The following PIAS1 variants were observed in gnomAD, a reference collection of about 807,000 sequenced individuals.
The protein encoded by PIAS1 is protein inhibitor of activated STAT 1, also known as E3 SUMO-protein ligase PIAS1.
Under a neutral mutation model 71.3 loss-of-function variants are expected in PIAS1, and 6 were observed. The ratio of observed to expected loss-of-function variants is 0.08; its 90% CI spans 0.05 to 0.17. PIAS1 has a LOEUF of 0.17. PIAS1 is among the 10% of genes least tolerant of loss of function. The probability of loss-of-function intolerance (pLI) is 1.00; values close to 1 mark genes in which losing one functional copy is unlikely to be tolerated. For synonymous variants in PIAS1, 303 were observed against 292.9 expected, an observed-to-expected ratio of 1.03 and a Z score of -0.35; for missense variants, 555 against 793.6, an observed-to-expected ratio of 0.70 and a Z score of 3.61.
chr15:68,071,269 C>CTTT (rs201177318), intron 1 of PIAS1, among the ~76,000 whole-genome samples: 27 of 102,768 alleles, frequency 2.6e-4, no homozygotes, highest in African/African-American at 9.4e-4. Context: ...TTGCTTCATT[C>CTTT]TTTTTTTTTT....
intron 2 of PIAS1, among the ~76,000 whole-genome samples, chr15:68,139,516 A>G (rs1177250022): frequency 2.0e-5 from 3 of 152,204 alleles, no homozygotes; most frequent in Non-Finnish European, 4.4e-5. Context: ...GGACATTCCC[A>G]GTACAAAGAA....
intron 2 of PIAS1, among the ~76,000 whole-genome samples, chr15:68,132,485 AG>A (rs1188591071): frequency 1.3e-5 from 2 of 152,014 alleles, no homozygotes; most frequent in Admixed American, 1.3e-4. Flanking sequence ...TAAAAAAAAA[AG>A]GAAACTACAA....
At chr15:68,177,583 T>G (rs1316457107) in intron 11 of PIAS1, among the ~76,000 whole-genome samples, 1 of 152,216 alleles carries the variant, frequency 6.6e-6, no homozygotes, top group Non-Finnish European at 1.5e-5. Flanking sequence ...TAGGTTATAC[T>G]TCAGTTCATG....
chr15:68,181,067 A>T, intron 11 of PIAS1, 145 bp from the exon 12 acceptor site: 1 of 635,684 alleles, frequency 1.6e-6, no homozygotes, highest in Non-Finnish European at 2.8e-6. Flanking sequence ...ATTGTGTATA[A>T]TCTAAATTAT....
intron 2 of PIAS1, among the ~76,000 whole-genome samples, chr15:68,090,927 G>GGTGT (rs10667510): frequency 0.16 from 22,213 of 142,658 alleles, 1,876 homozygotes; most frequent in Middle Eastern, 0.18. Flanking sequence ...GTCATTTACG[G>GGTGT]GTGTGTGTGT....
At chr15:68,155,797 A>G (rs1467090198) in intron 7 of PIAS1, among the ~76,000 whole-genome samples, 1 of 151,800 alleles carries the variant, frequency 6.6e-6, no homozygotes, top group East Asian at 1.9e-4. Flanking sequence ...TCTTTTACCA[A>G]CTCTTAATCA....
intron 2 of PIAS1, among the ~76,000 whole-genome samples, chr15:68,139,244 C>G (rs1053045090): frequency 5.3e-5 from 8 of 152,168 alleles, no homozygotes; most frequent in African/African-American, 1.9e-4. Flanking sequence ...TATTCTACTA[C>G]TCTCTGTTGG....
At chr15:68,114,576 A>C (rs2092549833) in intron 2 of PIAS1, among the ~76,000 whole-genome samples, 1 of 152,126 alleles carries the variant, frequency 6.6e-6, no homozygotes, top group Admixed American at 6.6e-5. Context: ...CTAAGACAGC[A>C]AGAAATATTC....
chr15:68,139,550 G>T (rs1257753439), intron 2 of PIAS1, among the ~76,000 whole-genome samples: 1 of 152,166 alleles, frequency 6.6e-6, no homozygotes, highest in Non-Finnish European at 1.5e-5. Flanking sequence ...GGGATGATGT[G>T]TGTGCTAATT....
chr15:68,142,597 A>G (rs1288118685), intron 4 of PIAS1, among the ~76,000 whole-genome samples: 1 of 151,926 alleles, frequency 6.6e-6, no homozygotes, highest in African/African-American at 2.4e-5. Context: ...AGATATTCTA[A>G]TTTTCATCCA....
chr15:68,114,061 CTTAT>C (rs774417731), intron 2 of PIAS1, among the ~76,000 whole-genome samples: 15 of 64,398 alleles, frequency 2.3e-4, no homozygotes, highest in Non-Finnish European at 5.5e-4. Flanking sequence ...CACACACACA[CTTAT>C]ATACATGTAT....
At chr15:68,120,909 T>A (rs2092608031) in intron 2 of PIAS1, among the ~76,000 whole-genome samples, 1 of 152,212 alleles carries the variant, frequency 6.6e-6, no homozygotes, top group Non-Finnish European at 1.5e-5. Context: ...GTGCTGGGAT[T>A]ACAGGCATGA....
intron 8 of PIAS1, among the ~76,000 whole-genome samples, chr15:68,165,466 A>G (rs1189629171): frequency 6.6e-6 from 1 of 152,224 alleles, no homozygotes; most frequent in Non-Finnish European, 1.5e-5. Flanking sequence ...AAATCTAGCC[A>G]TGATTACCCA....
chr15:68,152,642 C>T (rs1252586022), intron 6 of PIAS1, among the ~76,000 whole-genome samples: 1 of 152,224 alleles, frequency 6.6e-6, no homozygotes, highest in Admixed American at 6.5e-5. Context: ...AAGTAGGCAG[C>T]GTATGTTAAG....
In PIAS1 at chr15:68,086,512, C is replaced by T. The variant is rs781234630; in HGVS notation, c.231C>T (p.Ile77=). 9.3e-6 allele frequency: 15 copies of T among 1,613,640 alleles called. No individual in the cohort carries two copies. Among genetic ancestry groups the T allele is most frequent in the African/African-American group, 2.7e-5 (2 of 74,888 alleles). ...QKIMTPADLS[I]PNVHSSPMPA... ...TCATGACGCCTGCAGACTTGTCCAT[C>T]CCCAACGTACATTCAAGTCCTATGC... Residue 77 remains isoleucine, a synonymous_variant, in exon 2 of 14, where the codon ATC becomes ATT. Coordinates refer to ENST00000249636, the MANE Select transcript of PIAS1 (RefSeq NM_016166.3). The surrounding 1 kb of genome is among the most constrained non-coding windows in gnomAD (Gnocchi z 7.2).
chr15:68,092,617 G>C (rs2092342169), intron 2 of PIAS1, among the ~76,000 whole-genome samples: 1 of 152,200 alleles, frequency 6.6e-6, no homozygotes, highest in Admixed American at 6.5e-5. Flanking sequence ...AGTGTTAAGA[G>C]GTGGGGCCTT....
intron 7 of PIAS1, among the ~76,000 whole-genome samples, chr15:68,160,613 C>G (rs1172957584): frequency 6.6e-6 from 1 of 152,018 alleles, no homozygotes; most frequent in Admixed American, 6.6e-5. Context: ...TACATGGTGA[C>G]CAAACAGAAT....
At chr15:68,117,751 C>T (rs556144858) in intron 2 of PIAS1, among the ~76,000 whole-genome samples, 1 of 152,278 alleles carries the variant, frequency 6.6e-6, no homozygotes, top group Non-Finnish European at 1.5e-5. Context: ...TTCATCCATT[C>T]GTCTCTCTGT....
At position 68,167,431 on chromosome 15, in the gene PIAS1, G is replaced by A. The variant is rs1413750482; in HGVS notation, c.1008+2627G>A. Among the ~76,000 whole-genome samples, 4 of 152,270 alleles carry A rather than the reference G, an allele frequency of 2.6e-5. No homozygotes were observed. The highest frequency in any genetic ancestry group is 2.1e-4 in the South Asian group (1 of 4,828). ...ATATGATGTCTCACTGTGCATTACA[G>A]TTGCCCTTGTGATGTACAGAGCTCA... On this transcript the variant is annotated intron_variant, in intron 8 of 13. Transcript: ENST00000249636. This position sits in a 1 kb window ranked among gnomAD's most constrained non-coding sequence, Gnocchi z 4.4.
Sources: allele counts gnomAD v4.1 joint callset (sites outside exome capture counted in the v4.1 genomes callset), GRCh38; gene constraint gnomAD v4.1.1; non-coding constraint Gnocchi (gnomAD v3.1); transcripts MANE v1.5; gene names NCBI Gene and HGNC (gene_info 2026-07-23, HGNC 2026-07-21).